The following DNAH14 variants were observed in gnomAD, a reference collection of about 807,000 sequenced individuals.
DNAH14 encodes the protein dynein axonemal heavy chain 14.
DNAH14 carries 478 observed loss-of-function variants against 520.9 expected under a neutral mutation model. The ratio of observed to expected loss-of-function variants is 0.92; its 90% confidence interval spans 0.85 to 0.99. DNAH14 has a LOEUF of 0.99. DNAH14 is among the 50% of genes least tolerant of loss of function. DNAH14 has a pLI of 0.00. For synonymous variants in DNAH14, 1,581 were observed against 1,757.2 expected, an observed-to-expected ratio of 0.90 and a Z score of 2.51; for missense variants, 4,831 against 5,234.5, an observed-to-expected ratio of 0.92 and a Z score of 2.38.
rs1421274043 is a variant in DNAH14 at position 225,051,800 on chromosome 1, G to A, written c.2424+5G>A. ...AAGAACAAAAATTTATTGGAAGTAAGTATTTTGAAAATTCTTATTGTGTAA... is the reference window on the plus strand; with the variant it reads ...AAGAACAAAAATTTATTGGAAGTAAATATTTTGAAAATTCTTATTGTGTAA... On this transcript the variant is annotated splice_donor_5th_base_variant and intron_variant, in intron 17 of 85. Coordinates refer to ENST00000682510, the MANE Select transcript of DNAH14 (RefSeq NM_001367479.1). 4 of 1,473,710 alleles carry A rather than the reference G, an allele frequency of 2.7e-6. 1 individual carries two copies. In the Admixed American group the frequency reaches 8.2e-5, roughly 30 times the overall value. 91.3% of individuals were successfully genotyped at this position (1,473,710 alleles called of 1,614,324 possible). A position where few individuals can be genotyped will look rare whatever the true frequency, so the allele number is the denominator to read the frequency against.
In DNAH14 at chr1:225,351,763, T is replaced by C. The variant is rs1195458803; in HGVS notation, c.11413T>C (p.Leu3805=). The change falls in exon 72 of 86, where the codon TTA becomes CTA. Residue 3805 remains leucine (L), a synonymous_variant. Coordinates refer to ENST00000682510, the MANE Select transcript of DNAH14 (RefSeq NM_001367479.1). ...EPFSLLCKSL[L]SNVSQWDTFK... ...ATTTTCACTTCTGTGCAAATCCCTTTTATCAAACGTATCACAATGGGATAC... is the reference window on the plus strand; with the variant it reads ...ATTTTCACTTCTGTGCAAATCCCTTCTATCAAACGTATCACAATGGGATAC... 6.4e-7 allele frequency: 1 copy of C among 1,551,370 alleles called. No homozygotes were observed. The highest frequency in any genetic ancestry group is 1.2e-5 in the South Asian group (1 of 84,050).
intron 8 of DNAH14, among the ~76,000 whole-genome samples, chr1:224,996,405 C>T (rs1357151559): frequency 6.6e-6 from 1 of 152,132 alleles, no homozygotes; most frequent in Non-Finnish European, 1.5e-5. Flanking sequence ...AAGTGATCTA[C>T]CTGCTTCAGC....
At chr1:225,007,356 T>G in intron 9 of DNAH14, 57 bp from the exon 10 acceptor site, 16 of 1,357,698 alleles carry the variant, frequency 1.2e-5, no homozygotes, top group African/African-American at 1.5e-5. Flanking sequence ...ATATTTTATC[T>G]TTTTTAAATA....
In DNAH14 at chr1:225,240,660, G is replaced by A. The variant is rs184912210; in HGVS notation, c.6586G>A (p.Val2196Met). The A allele has an allele frequency of 3.9e-4, 600 of 1,550,742 alleles. No homozygotes were observed. Among genetic ancestry groups the A allele is most frequent in the Admixed American group, 5.5e-4 (28 of 50,984 alleles). Residue 2196 changes from valine to methionine, a missense_variant, in exon 43 of 86, where the codon GTG (valine) becomes ATG (methionine). Coordinates refer to ENST00000682510, the MANE Select transcript of DNAH14 (RefSeq NM_001367479.1). The part of the protein sequence containing the change: ...KLTKIIQKLF[V>M]FAFTWAFGGA... ...AACAAAAATTATTCAAAAGCTTTTTGTGTTTGCCTTTACTTGGGCATTTGG... is the reference window on the plus strand; with the variant it reads ...AACAAAAATTATTCAAAAGCTTTTTATGTTTGCCTTTACTTGGGCATTTGG...
At chr1:225,222,566 A>G (rs1359814903) in intron 41 of DNAH14, among the ~76,000 whole-genome samples, 1 of 152,076 alleles carries the variant, frequency 6.6e-6, no homozygotes, top group African/African-American at 2.4e-5. Flanking sequence ...GTCCCTGCCC[A>G]TGTCCTGCTG....
chr1:225,217,931 G>A (rs1465051831), intron 41 of DNAH14, among the ~76,000 whole-genome samples: 4 of 152,130 alleles, frequency 2.6e-5, no homozygotes, highest in Non-Finnish European at 4.4e-5. Flanking sequence ...TGGTACCTCA[G>A]TTGGACTTGC....
In DNAH14 at chr1:224,967,480, G is replaced by A; in HGVS notation, c.548G>A (p.Ser183Asn). The A allele has an allele frequency of 6.3e-7, 1 of 1,593,742 alleles. No homozygotes were observed. The highest frequency in any genetic ancestry group is 1.1e-5 in the South Asian group (1 of 86,960). ...GEFVYCLPRK[S>N]PKSLYNPYDL... ...TTTGTTTATTGCCTTCCTCGGAAAA[G>A]TCCTAAATCCCTTTACAATCCATAT... is the stretch of plus-strand genomic sequence containing the variant. Residue 183 changes from serine to asparagine, a missense_variant, in exon 6 of 86, where the codon AGT (serine) becomes AAT (asparagine). Physicochemically the swap from Ser to Asn is conservative, Grantham distance 46. Transcript: ENST00000682510.
At chr1:225,070,333 G>A (rs964131977) in intron 17 of DNAH14, among the ~76,000 whole-genome samples, 1 of 152,092 alleles carries the variant, frequency 6.6e-6, no homozygotes, top group African/African-American at 2.4e-5. Context: ...GCTTTTTGAT[G>A]TGGGCATTTA....
rs2075363753 is a variant in DNAH14, at chr1:225,100,576, CTT to C, written c.3696-135_3696-134del. On this transcript the variant is annotated intron_variant, in intron 22 of 85. Coordinates refer to ENST00000682510, the MANE Select transcript of DNAH14 (RefSeq NM_001367479.1). ...TACATAATAGGCACTTAAAAAGTAT[CTT>C]TGATGATTTATCAAGAAAATTTAAC... is the stretch of plus-strand genomic sequence containing the variant. 28 of 712,320 alleles carry C rather than the reference CTT, an allele frequency of 3.9e-5. 1 individual carries two copies. Among genetic ancestry groups the C allele is most frequent in the Non-Finnish European group, 5.7e-5 (26 of 457,130 alleles). 44.1% of individuals were successfully genotyped at this position (712,320 alleles called of 1,614,324 possible). A position where few individuals can be genotyped will look rare whatever the true frequency, so the allele number is the denominator to read the frequency against.
At chr1:225,276,983 AAGGGAGGG>A (rs547526416) in intron 53 of DNAH14, among the ~76,000 whole-genome samples, 30 of 35,592 alleles carry the variant, frequency 8.4e-4, no homozygotes, top group South Asian at 3.8e-3. Context: ...GGAAGGAAGG[AAGGGAGGG>A]AGGAAGGAAG....
intron 11 of DNAH14, chr1:225,024,115 A>G (rs1444055448): frequency 9.5e-7 from 1 of 1,050,288 alleles, no homozygotes; most frequent in Non-Finnish European, 1.2e-6. Flanking sequence ...TACTTCAAGT[A>G]TTACCTATGT....
At chr1:224,955,825 C>G (rs2060477057) in intron 3 of DNAH14, among the ~76,000 whole-genome samples, 1 of 152,102 alleles carries the variant, frequency 6.6e-6, no homozygotes, top group Admixed American at 6.6e-5. Flanking sequence ...GCTTAAACAA[C>G]TTAAACAAAA....
chr1:225,287,284 A>G (rs1472148948), intron 54 of DNAH14, among the ~76,000 whole-genome samples: 1 of 152,120 alleles, frequency 6.6e-6, no homozygotes, highest in Non-Finnish European at 1.5e-5. Flanking sequence ...AAATCAAACC[A>G]TGTTGCAAGT....
intron 21 of DNAH14, among the ~76,000 whole-genome samples, chr1:225,088,046 A>C (rs2073993929): frequency 6.6e-6 from 1 of 152,218 alleles, no homozygotes; most frequent in Non-Finnish European, 1.5e-5. Context: ...CAAGACCTAA[A>C]ATGATGAAAC....
chr1:224,986,177 T>C (rs1432396418), intron 8 of DNAH14, among the ~76,000 whole-genome samples: 2 of 152,034 alleles, frequency 1.3e-5, no homozygotes, highest in Non-Finnish European at 2.9e-5. Context: ...TGATGGCTTC[T>C]TCTGAATTTT....
intron 84 of DNAH14, chr1:225,396,901 G>A (rs1057506940): frequency 1.3e-5 from 2 of 152,158 alleles, no homozygotes; most frequent in Admixed American, 1.3e-4. Context: ...TTCCAAGATT[G>A]TTAGGAAAGG....
At chr1:224,978,410 A>G (rs976126800) in intron 8 of DNAH14, among the ~76,000 whole-genome samples, 1 of 152,246 alleles carries the variant, frequency 6.6e-6, no homozygotes, top group African/African-American at 2.4e-5. Flanking sequence ...CAGGCATGGA[A>G]AGATAAATAT....
In DNAH14 at chr1:225,353,862, C is replaced by CCG; in HGVS notation, c.11593_11594insCG (p.Leu3865ProfsTer11). ...TCCTATAAATTTTCCCTGGGAGAAA[C>CCG]TCACTTCATTTCAAAGACTTATTTT... On this transcript the variant is annotated frameshift_variant, in exon 73 of 86. Transcript: ENST00000682510. LOFTEE classifies it high-confidence loss of function. The CCG allele has an allele frequency of 6.7e-7, 1 of 1,489,468 alleles. No individual in the cohort carries two copies. Among genetic ancestry groups the CCG allele is most frequent in the Non-Finnish European group, 9.1e-7 (1 of 1,097,422 alleles). 92.3% of individuals were successfully genotyped at this position (1,489,468 alleles called of 1,614,324 possible).
rs2084569277 is a variant in DNAH14, at chr1:225,185,402, G to T, written c.5647G>T (p.Ala1883Ser). ...ACCAATTGCAGACTTCTTATCAGTTGCAGAAAGAAAATCTGCTTCAAAGGT... is the reference window on the plus strand; with the variant it reads ...ACCAATTGCAGACTTCTTATCAGTTTCAGAAAGAAAATCTGCTTCAAAGGT... ...LLPIADFLSV[A>S]ERKSASKISE... The change falls in exon 37 of 86, where the codon GCA becomes TCA. Residue 1883 changes from alanine (A) to serine (S), a missense_variant. Ala to Ser is a moderately conservative substitution (Grantham distance 99, BLOSUM62 1). Transcript: ENST00000682510. The T allele has an allele frequency of 6.5e-7, 1 of 1,533,788 alleles. No individual in the cohort carries two copies. Among genetic ancestry groups the T allele is most frequent in the East Asian group, 2.5e-5 (1 of 39,418 alleles).
Sources: gnomAD v4.1 joint callset for allele counts (sites outside exome capture counted in the v4.1 genomes callset) on GRCh38, gnomAD v4.1.1 for gene constraint, MANE v1.5 for transcripts, NCBI Gene and HGNC (gene_info 2026-07-23, HGNC 2026-07-21) for gene names.